The following STX12 variants were observed in gnomAD, a reference collection of about 807,000 sequenced individuals.
The protein encoded by STX12 is syntaxin 12.
In STX12, 17 loss-of-function variants were observed where a neutral mutation model predicts 42.2. The ratio of observed to expected loss-of-function variants is 0.40; its 90% confidence interval spans 0.28 to 0.60. The LOEUF (loss-of-function observed/expected upper bound fraction) is 0.60, where lower values mean the gene tolerates loss of function less well. STX12 is among the 20% of genes least tolerant of loss of function. The pLI is 0.39. For synonymous variants in STX12, 108 were observed against 116.7 expected, an observed-to-expected ratio of 0.93 and a Z score of 0.48; for missense variants, 297 against 330.9, an observed-to-expected ratio of 0.90 and a Z score of 0.79.
Position 27,784,073 on chromosome 1 carries a change from G to A in STX12, c.119-5489G>A, listed in dbSNP as rs59271100. ...CACATGCCTATAATCTCAGCTACTC[G>A]GGAGGCTGAGGCAGGAGAATCGCTT... is the stretch of plus-strand genomic sequence containing the variant. On this transcript the variant is annotated intron_variant, in intron 1 of 8. Coordinates refer to ENST00000373943, the MANE Select transcript of STX12 (RefSeq NM_177424.3). Among the ~76,000 whole-genome samples, 39 of 152,112 alleles carry A rather than the reference G, an allele frequency of 2.6e-4. 1 individual carries two copies. In the East Asian group the frequency reaches 6.4e-3, roughly 25 times the overall value.
chr1:27,819,790 G>A (rs1440714113), intron 8 of STX12, 58 bp downstream of exon 8: 3 of 1,473,800 alleles, frequency 2.0e-6, no homozygotes, highest in Non-Finnish European at 2.8e-6. Flanking sequence ...GGCCATCAGA[G>A]TACATTGACA....
intron 7 of STX12, among the ~76,000 whole-genome samples, chr1:27,819,290 A>AC (rs2088966430): frequency 6.6e-6 from 1 of 150,546 alleles, no homozygotes; most frequent in South Asian, 2.1e-4. Context: ...AAAAAAAAAA[A>AC]GGTAGCAAAA....
At chr1:27,774,398 CTTG>C (rs1476417701) in intron 1 of STX12, among the ~76,000 whole-genome samples, 2 of 152,114 alleles carry the variant, frequency 1.3e-5, no homozygotes, top group African/African-American at 2.4e-5. Context: ...GGTCATCATC[CTTG>C]TTGTTTATTA....
At chr1:27,811,235 C>G (rs1218259952) in intron 5 of STX12, among the ~76,000 whole-genome samples, 1 of 146,544 alleles carries the variant, frequency 6.8e-6, no homozygotes, top group Non-Finnish European at 1.5e-5. Context: ...AGGAGAATCT[C>G]TTGAACCCGG....
At chr1:27,788,705 T>A (rs532065490) in intron 1 of STX12, among the ~76,000 whole-genome samples, 1 of 152,216 alleles carries the variant, frequency 6.6e-6, no homozygotes, top group African/African-American at 2.4e-5. Flanking sequence ...CTTCCTTACC[T>A]GCAAAATGGA....
intron 1 of STX12, among the ~76,000 whole-genome samples, chr1:27,777,827 C>T (rs1392385554): frequency 6.6e-6 from 1 of 151,834 alleles, no homozygotes; most frequent in Admixed American, 6.6e-5. Flanking sequence ...GCGGAGGTTG[C>T]GGTGAGCCGA....
intron 2 of STX12, among the ~76,000 whole-genome samples, chr1:27,792,152 G>GTGTATCTATATATGTATATACATATATA (rs2088748220): frequency 2.8e-4 from 26 of 91,538 alleles, no homozygotes; most frequent in Non-Finnish European, 3.4e-4. Flanking sequence ...ATCTATATAT[G>GTGTATCTATATATGTATATACATATATA]TGTATCTATA....
At chr1:27,777,730 C>CA (rs34845374) in intron 1 of STX12, among the ~76,000 whole-genome samples, 2 of 151,654 alleles carry the variant, frequency 1.3e-5, no homozygotes, top group South Asian at 2.1e-4. Flanking sequence ...ACTAAAAATA[C>CA]AAAAAAATTA....
intron 4 of STX12, among the ~76,000 whole-genome samples, chr1:27,804,435 AT>A (rs1178199303): frequency 1.3e-5 from 2 of 151,516 alleles, no homozygotes; most frequent in African/African-American, 4.9e-5. Context: ...TCAAAAAAAA[AT>A]ATCATTAAGT....
intron 3 of STX12, 33 bp from the exon 4 acceptor site, chr1:27,801,645 A>G (rs2088829027): frequency 6.8e-7 from 1 of 1,471,282 alleles, no homozygotes; most frequent in Non-Finnish European, 9.0e-7. Flanking sequence ...CTGGGTTAAT[A>G]TGAAATCTCA....
intron 1 of STX12, among the ~76,000 whole-genome samples, chr1:27,786,401 AT>A (rs2088699325): frequency 2.0e-5 from 3 of 152,168 alleles, no homozygotes; most frequent in African/African-American, 7.2e-5. Context: ...ACCACTCTAT[AT>A]AACTAGTATC....
intron 1 of STX12, among the ~76,000 whole-genome samples, chr1:27,782,378 T>C (rs1218990017): frequency 6.6e-6 from 1 of 152,158 alleles, no homozygotes; most frequent in Non-Finnish European, 1.5e-5. Flanking sequence ...GGTTACAAAC[T>C]TGAACCACCA....
At chr1:27,790,507 C>A (rs188130380) in intron 2 of STX12, among the ~76,000 whole-genome samples, 21 of 152,312 alleles carry the variant, frequency 1.4e-4, no homozygotes, top group African/African-American at 4.6e-4. Flanking sequence ...ATTTTACAAT[C>A]CTAGCTACAG....
At chr1:27,803,208 C>G (rs986666411) in intron 4 of STX12, among the ~76,000 whole-genome samples, 7 of 152,040 alleles carry the variant, frequency 4.6e-5, no homozygotes, top group Admixed American at 6.6e-5. Flanking sequence ...AAAACACTAG[C>G]CTGCAGTTTC....
At chr1:27,793,341 T>G (rs2088761635) in intron 2 of STX12, among the ~76,000 whole-genome samples, 192 bp from the exon 3 acceptor site, 1 of 152,218 alleles carries the variant, frequency 6.6e-6, no homozygotes, top group Non-Finnish European at 1.5e-5. Flanking sequence ...TTCTGCTCAG[T>G]GAAGATACCT....
intron 2 of STX12, among the ~76,000 whole-genome samples, chr1:27,792,304 C>CTA (rs1317827964): frequency 2.2e-5 from 2 of 90,486 alleles, no homozygotes; most frequent in Non-Finnish European, 4.2e-5. Flanking sequence ...ATATATGTAT[C>CTA]TATATATATG....
rs550840779 is a variant in STX12 at position 27,822,484 on chromosome 1, G to A, written c.*155G>A. On this transcript the variant is annotated 3_prime_UTR_variant, in exon 9 of 9. Transcript: ENST00000373943. Reference sequence around the variant, plus strand: ...CTACTAACTAGTCTTTGGAATTCGTGACCTATGGAGACAGTAATTATCAAT... The same window carrying A: ...CTACTAACTAGTCTTTGGAATTCGTAACCTATGGAGACAGTAATTATCAAT... 12 of 539,312 alleles carry A rather than the reference G, an allele frequency of 2.2e-5. No individual in the cohort carries two copies. Among genetic ancestry groups the A allele is most frequent in the African/African-American group, 1.5e-4 (8 of 53,282 alleles). The allele number at this position is 539,312 out of a possible 1,614,324, so 33.4% of individuals were successfully genotyped here. A position where few individuals can be genotyped will look rare whatever the true frequency, so the allele number is the denominator to read the frequency against.
At chr1:27,809,311 G>GC (rs200923438) in intron 4 of STX12, among the ~76,000 whole-genome samples, 149,326 of 149,364 alleles carry the variant, frequency 1, 74,655 homozygotes, top group Middle Eastern at 1. Context: ...TCCAGCCTCG[G>GC]GACCAGAGTA....
chr1:27,807,917 A>T (rs1021180252), intron 4 of STX12, among the ~76,000 whole-genome samples: 3 of 152,390 alleles, frequency 2.0e-5, no homozygotes, highest in Non-Finnish European at 4.4e-5. Context: ...AATGATTCAA[A>T]AAAAGCACTA....
Sources: gnomAD v4.1 joint callset for allele counts (sites outside exome capture counted in the v4.1 genomes callset) on GRCh38, gnomAD v4.1.1 for gene constraint, MANE v1.5 for transcripts, NCBI Gene and HGNC (gene_info 2026-07-23, HGNC 2026-07-21) for gene names.